Variants in C8orf34 observed in about 807,000 individuals in gnomAD.
The protein encoded by C8orf34 is uncharacterized protein C8orf34.
A neutral mutation model predicts 68.3 loss-of-function variants in C8orf34; 65 were observed. That is an observed-to-expected ratio of 0.95 (90% CI 0.78 to 1.17). The LOEUF (loss-of-function observed/expected upper bound fraction) is 1.17. C8orf34 is among the 50% of genes most tolerant of loss of function. The probability of loss-of-function intolerance (pLI) is 0.00; values close to 1 mark genes in which losing one functional copy is unlikely to be tolerated. For synonymous variants in C8orf34, 244 were observed against 241.2 expected (o/e 1.01, Z -0.11); for missense variants, 664 against 655.4 (o/e 1.01, Z -0.14).
chr8:68,779,180 AACACACACACACACACACAC>A (rs10550333), intron 11 of C8orf34, among the ~76,000 whole-genome samples: 104 of 139,244 alleles, frequency 7.5e-4, no homozygotes, highest in African/African-American at 2.5e-3. Context: ...CTGTCTCTGA[AACACACACACACACACACAC>A]ACACACACAC....
chr8:68,455,700 A>G (rs1056318232), intron 3 of C8orf34, among the ~76,000 whole-genome samples: 4 of 152,152 alleles, frequency 2.6e-5, no homozygotes, highest in Admixed American at 2.0e-4. Flanking sequence ...GACTCAATCA[A>G]TAACTGAATG....
intron 8 of C8orf34, among the ~76,000 whole-genome samples, chr8:68,694,562 T>A (rs1270808465): frequency 6.6e-6 from 1 of 152,142 alleles, no homozygotes; most frequent in Non-Finnish European, 1.5e-5. Context: ...ACTGTTAGAG[T>A]TTATTTTGTT....
chr8:68,576,854 AT>A, intron 7 of C8orf34, among the ~76,000 whole-genome samples: 1 of 152,186 alleles, frequency 6.6e-6, no homozygotes, highest in East Asian at 1.9e-4. Flanking sequence ...GAGTGAATTT[AT>A]TAATATAAAA....
chr8:68,370,962 A>G (rs1475740362), intron 1 of C8orf34, among the ~76,000 whole-genome samples: 1 of 152,138 alleles, frequency 6.6e-6, no homozygotes, highest in Non-Finnish European at 1.5e-5. Context: ...GCAAGCTGGT[A>G]TCTGACTCTT....
At chr8:68,435,211 A>C (rs995140994) in intron 1 of C8orf34, among the ~76,000 whole-genome samples, 1 of 149,576 alleles carries the variant, frequency 6.7e-6, no homozygotes, top group Non-Finnish European at 1.5e-5. Flanking sequence ...TAAATATATG[A>C]TATATAAATG....
intron 8 of C8orf34, among the ~76,000 whole-genome samples, chr8:68,696,716 C>A (rs1279232603): frequency 2.6e-5 from 4 of 152,052 alleles, no homozygotes; most frequent in Non-Finnish European, 4.4e-5. Flanking sequence ...TAAAAAAGTT[C>A]TACATCATTT....
chr8:68,365,011 A>C (rs1807181384), intron 1 of C8orf34, among the ~76,000 whole-genome samples: 1 of 151,584 alleles, frequency 6.6e-6, no homozygotes, highest in Non-Finnish European at 1.5e-5. Context: ...AGATTAATAA[A>C]GAAAAAAAGA....
At chr8:68,412,008 G>A (rs1809464636) in intron 1 of C8orf34, among the ~76,000 whole-genome samples, 1 of 152,182 alleles carries the variant, frequency 6.6e-6, no homozygotes, top group Non-Finnish European at 1.5e-5. Flanking sequence ...ACCTGAAGTA[G>A]CTTTAACCCC....
At chr8:68,680,607 G>T (rs1820339876) in intron 8 of C8orf34, among the ~76,000 whole-genome samples, 1 of 152,196 alleles carries the variant, frequency 6.6e-6, no homozygotes, top group East Asian at 1.9e-4. Context: ...ACTAATAAGG[G>T]TCTAACAAAG....
At chr8:68,561,106 C>G (rs1383273116) in intron 7 of C8orf34, among the ~76,000 whole-genome samples, 1 of 151,620 alleles carries the variant, frequency 6.6e-6, no homozygotes, top group Admixed American at 6.6e-5. Flanking sequence ...GTGTAGTCTC[C>G]TGAGTAGCTG....
At chr8:68,817,441 CCTCT>C (rs1226658065) in intron 13 of C8orf34, among the ~76,000 whole-genome samples, 2 of 152,122 alleles carry the variant, frequency 1.3e-5, no homozygotes, top group South Asian at 2.1e-4. Flanking sequence ...TCTTTCTCTT[CCTCT>C]CTAACTTTTC....
intron 1 of C8orf34, among the ~76,000 whole-genome samples, chr8:68,387,322 G>A (rs1245389144): frequency 1.3e-5 from 2 of 152,116 alleles, no homozygotes; most frequent in East Asian, 3.9e-4. Flanking sequence ...ACTGGGATGT[G>A]TAAGGTATTA....
intron 2 of C8orf34, among the ~76,000 whole-genome samples, chr8:68,445,316 T>C: frequency 6.6e-6 from 1 of 152,106 alleles, no homozygotes; most frequent in East Asian, 1.9e-4. Context: ...GGTTTTTAAA[T>C]TTGTAAATTA....
chr8:68,597,677 T>C (rs773425288), intron 7 of C8orf34, among the ~76,000 whole-genome samples: 3 of 152,070 alleles, frequency 2.0e-5, no homozygotes, highest in Non-Finnish European at 4.4e-5. Context: ...AAAGGGACTA[T>C]CTTTACTAGA....
At chr8:68,711,527 G>A (rs1288537524) in intron 9 of C8orf34, among the ~76,000 whole-genome samples, 1 of 151,926 alleles carries the variant, frequency 6.6e-6, no homozygotes, top group Non-Finnish European at 1.5e-5. Context: ...AAATACACTG[G>A]AAAGTATCAG....
At chr8:68,416,047 A>G (rs1287613286) in intron 1 of C8orf34, among the ~76,000 whole-genome samples, 1 of 152,192 alleles carries the variant, frequency 6.6e-6, no homozygotes, top group Non-Finnish European at 1.5e-5. Flanking sequence ...ATGTATTGAA[A>G]GCACCTAGGA....
At chr8:68,665,451 G>T (rs1273929209) in intron 8 of C8orf34, among the ~76,000 whole-genome samples, 1 of 152,130 alleles carries the variant, frequency 6.6e-6, no homozygotes, top group Non-Finnish European at 1.5e-5. Flanking sequence ...GCATACGGGT[G>T]GTTGGGTGTG....
intron 10 of C8orf34, among the ~76,000 whole-genome samples, chr8:68,741,208 G>T (rs574488124): frequency 6.6e-6 from 1 of 152,164 alleles, no homozygotes; most frequent in African/African-American, 2.4e-5. Flanking sequence ...ACCTGCACAT[G>T]TACCCCTGAA....
chr8:68,662,032 G>A (rs1425359571), intron 8 of C8orf34, among the ~76,000 whole-genome samples: 1 of 152,072 alleles, frequency 6.6e-6, no homozygotes, highest in African/African-American at 2.4e-5. Flanking sequence ...ATACCTGGGA[G>A]TCCCGCAAAA....
Sources: allele counts gnomAD v4.1 joint callset (sites outside exome capture counted in the v4.1 genomes callset), GRCh38; gene constraint gnomAD v4.1.1; transcripts MANE v1.5; gene names NCBI Gene and HGNC (gene_info 2026-07-23, HGNC 2026-07-21).